SLC5A9: variants seen among roughly 807,000 people sequenced by gnomAD.
SLC5A9 encodes sodium/glucose cotransporter 4.
A neutral mutation model predicts 70.9 loss-of-function variants in SLC5A9; 59 were observed. The observed-to-expected ratio is 0.83, with a 90% CI of 0.68 to 1.03. SLC5A9 has a LOEUF of 1.03. SLC5A9 is among the 50% of genes least tolerant of loss of function. The probability of loss-of-function intolerance (pLI) is 0.00; values close to 1 mark genes in which losing one functional copy is unlikely to be tolerated. For synonymous variants in SLC5A9, 340 were observed against 346.5 expected (o/e 0.98, Z 0.21); for missense variants, 832 against 881.1 (o/e 0.94, Z 0.71).
Position 48,232,169 on chromosome 1 carries a change from C to A in SLC5A9, c.897+18C>A. ...CAGACCAGGTAATCCCCCAGCCAGG[C>A]TTAGCCCAGCCTGCCAGGAAGTGGG... is the stretch of plus-strand genomic sequence containing the variant. On this transcript the variant is annotated intron_variant, in intron 7 of 13. Coordinates refer to ENST00000438567, the MANE Select transcript of SLC5A9 (RefSeq NM_001011547.3). 1 of 1,597,916 alleles carries A rather than the reference C, an allele frequency of 6.3e-7. No homozygotes were observed.
At chr1:48,231,880 G>T (rs1273543053) in intron 6 of SLC5A9, 66 bp from the exon 7 acceptor site, 10 of 1,601,890 alleles carry the variant, frequency 6.2e-6, no homozygotes, top group South Asian at 5.6e-5. Flanking sequence ...TGAGGCTGGG[G>T]CTGGGCTTGC....
intron 13 of SLC5A9, among the ~76,000 whole-genome samples, chr1:48,246,513 C>G (rs1644461671): frequency 6.6e-6 from 1 of 152,118 alleles, no homozygotes; most frequent in Non-Finnish European, 1.5e-5. Context: ...AATATAATGT[C>G]TGCTGATTTT....
chr1:48,239,121 C>A lies in SLC5A9; in HGVS notation c.1462-201C>A, dbSNP rs79067061. Among the ~76,000 whole-genome samples the A allele has an allele frequency of 0.015, 2,269 of 152,324 alleles. 58 individuals are homozygous for A. Among genetic ancestry groups the A allele is most frequent in the African/African-American group, 0.051 (2,099 of 41,556 alleles). ...AGGATTCAAATCTTAGTCTACCTGA[C>A]TCTAGAGCCCCTATTCCACTGTGCC... On this transcript the variant is annotated intron_variant, in intron 11 of 13. Coordinates refer to ENST00000438567, the MANE Select transcript of SLC5A9 (RefSeq NM_001011547.3). This position sits in a 1 kb window ranked among gnomAD's most constrained non-coding sequence, Gnocchi z 4.2.
intron 8 of SLC5A9, 89 bp from the exon 9 acceptor site, chr1:48,233,566 C>T: frequency 1.0e-6 from 1 of 964,206 alleles, no homozygotes. Flanking sequence ...CTCCAGTGAA[C>T]ATTATCCTGT....
At chr1:48,244,847 AAAACC>A (rs1208653809) in intron 13 of SLC5A9, among the ~76,000 whole-genome samples, 6 of 15,046 alleles carry the variant, frequency 4.0e-4, no homozygotes, top group East Asian at 4.5e-3. Flanking sequence ...TTATATATAT[AAAACC>A]TGTGTGTGTG....
In SLC5A9 at chr1:48,229,276, C is replaced by T; in HGVS notation, c.340-19C>T. 6.2e-7 allele frequency: 1 copy of T among 1,614,102 alleles called. No homozygotes were observed. The highest frequency in any genetic ancestry group is 8.5e-7 in the Non-Finnish European group (1 of 1,179,978). ...ACATCCAGGACCTGGATACCTTCTT[C>T]TTCTCCCCACTCTCCCAGGCAACCT... is the stretch of plus-strand genomic sequence containing the variant. On this transcript the variant is annotated intron_variant, in intron 3 of 13. Transcript: ENST00000438567.
Position 48,235,739 on chromosome 1 carries a change from G to A in SLC5A9, c.1152G>A (p.Gly384=). The stretch of plus-strand genomic sequence containing the variant: ...CTCGTCTCTCCCCAGGTCTGCGGGG[G>A]CTGATGATTGCCGTGATCATGGCCG... ...VMALMPVGLR[G]LMIAVIMAAL... is the part of the protein sequence containing the mutation. Residue 384 remains glycine, a synonymous_variant, in exon 10 of 14, where the codon GGG becomes GGA. Transcript: ENST00000438567. 3 of 1,614,170 alleles carry A rather than the reference G, an allele frequency of 1.9e-6. No homozygotes were observed. Among genetic ancestry groups the A allele is most frequent in the Non-Finnish European group, 2.5e-6 (3 of 1,180,036 alleles).
At chr1:48,230,848 C>A (rs986441216) in intron 5 of SLC5A9, 143 bp downstream of exon 5, 9 of 641,748 alleles carry the variant, frequency 1.4e-5, no homozygotes, top group African/African-American at 1.3e-4. Context: ...GAGGCAGAGA[C>A]AAAGAGAGGC....
Position 48,222,823 on chromosome 1 carries a change from C to T in SLC5A9, c.87C>T (p.Ser29=). Residue 29 remains serine (S), a synonymous_variant, in exon 1 of 14, where the codon TCC becomes TCT. Coordinates refer to ENST00000438567, the MANE Select transcript of SLC5A9 (RefSeq NM_001011547.3). ...CAGCTCCACACATAGCACTGGACTC[C>T]AGAGTTGGTCTGCACGCCTACGACA... ...TETAPHIALD[S]RVGLHAYDIS... The T allele has an allele frequency of 3.1e-6, 5 of 1,613,432 alleles. No individual in the cohort carries two copies. Among genetic ancestry groups the T allele is most frequent in the Non-Finnish European group, 4.2e-6 (5 of 1,179,436 alleles).
At chr1:48,228,471 CCCT>C (rs1644196423) in intron 2 of SLC5A9, 1 of 187,088 alleles carries the variant, frequency 5.3e-6, no homozygotes, top group Admixed American at 5.4e-5. Flanking sequence ...GCCTTTCCTT[CCCT>C]CCTGTGGGGC....
At chr1:48,247,142 G>C (rs1393046241) in intron 13 of SLC5A9, among the ~76,000 whole-genome samples, 193 bp from the exon 14 acceptor site, 1 of 152,164 alleles carries the variant, frequency 6.6e-6, no homozygotes, top group African/African-American at 2.4e-5. Context: ...TACCAGCTCA[G>C]CACCCAGTCT....
Position 48,247,528 on chromosome 1 carries a change from G to T in SLC5A9, c.2031G>T (p.Trp677Cys), listed in dbSNP as rs1356914497. ...VLLLAINIFL[W>C]GYFA ...TGCTGGCCATCAACATCTTCCTCTG[G>T]GGCTATTTTGCGTGATTCCACAGAC... Residue 677 changes from tryptophan (W) to cysteine (C), a missense_variant, in exon 14 of 14, where the codon TGG becomes TGT. Trp to Cys is a radical substitution (Grantham distance 215). Transcript: ENST00000438567. 1 of 1,614,116 alleles carries T rather than the reference G, an allele frequency of 6.2e-7. No homozygotes were observed. Among genetic ancestry groups the T allele is most frequent in the Non-Finnish European group, 8.5e-7 (1 of 1,180,014 alleles).
rs760112382 is a variant in SLC5A9 at position 48,247,406 on chromosome 1, C to T, written c.1909C>T (p.Leu637=). Residue 637 remains leucine, a synonymous_variant, in exon 14 of 14, where the codon CTG becomes TTG. Transcript: ENST00000438567. ...GCTCTCTGGAACACCGGAGCAGGCC[C>T]TGAGCCCAGCAGAGAAGGCTGCGCT... ...CGLSGTPEQA[L]SPAEKAALEQ... 11 of 1,614,012 alleles carry T rather than the reference C, an allele frequency of 6.8e-6. No homozygotes were observed. The highest frequency in any genetic ancestry group is 9.3e-6 in the Non-Finnish European group (11 of 1,180,032).
At chr1:48,222,930 G>T (rs1437318404) in intron 1 of SLC5A9, 32 bp downstream of exon 1, 1 of 1,610,992 alleles carries the variant, frequency 6.2e-7, no homozygotes, top group South Asian at 1.1e-5. Context: ...GGCTAGCAGG[G>T]GAGGTAGTAG....
In SLC5A9 at chr1:48,228,898, G is replaced by A. The variant is rs182981612; in HGVS notation, c.283G>A (p.Gly95Ser). The A allele has an allele frequency of 2.6e-4, 421 of 1,613,712 alleles. No individual in the cohort carries two copies. The Admixed American group carries it at 3.5e-3, about 13-fold the overall frequency. Residue 95 changes from glycine (G) to serine (S), a missense_variant, in exon 3 of 14, where the codon GGC (glycine) becomes AGC (serine). Transcript: ENST00000438567. ...SSNVGSGLFI[G>S]LAGTGAAGGL... ...CAATGTGGGCAGTGGCTTGTTCATCGGCCTGGCTGGGACAGGGGCTGCCGG... is the reference window on the plus strand; with the variant it reads ...CAATGTGGGCAGTGGCTTGTTCATCAGCCTGGCTGGGACAGGGGCTGCCGG...
intron 10 of SLC5A9, among the ~76,000 whole-genome samples, chr1:48,236,215 C>A (rs1644325042): frequency 6.6e-6 from 1 of 152,156 alleles, no homozygotes; most frequent in Admixed American, 6.5e-5. Flanking sequence ...GTATTCCCAA[C>A]CAACTCCGGA....
rs1186880053 is a variant in SLC5A9 at position 48,239,467 on chromosome 1, T to A, written c.1607T>A (p.Leu536His). ...TTCCACTACCTGTACTTTGCAATCC[T>A]CCTCTGCGGGCTCACTGCCATCGTC... is the stretch of plus-strand genomic sequence containing the variant. Reference protein sequence around the residue: ...KDFHYLYFAILLCGLTAIVIV... With the variant: ...KDFHYLYFAIHLCGLTAIVIV... The change falls in exon 12 of 14, where the codon CTC becomes CAC. Residue 536 changes from leucine (L) to histidine (H), a missense_variant. Leu to His is a moderately conservative substitution (Grantham distance 99, BLOSUM62 -3). Coordinates refer to ENST00000438567, the MANE Select transcript of SLC5A9 (RefSeq NM_001011547.3). The surrounding 1 kb of genome is among the most constrained non-coding windows in gnomAD (Gnocchi z 4.2). 5 of 1,614,062 alleles carry A rather than the reference T, an allele frequency of 3.1e-6. No homozygotes were observed. The highest frequency in any genetic ancestry group is 4.2e-6 in the Non-Finnish European group (5 of 1,180,042).
In SLC5A9 at chr1:48,229,172, T is replaced by C. The variant is rs1046028615; in HGVS notation, c.340-123T>C. The C allele has an allele frequency of 1.2e-6, 2 of 1,613,910 alleles. No individual in the cohort carries two copies. The highest frequency in any genetic ancestry group is 1.7e-6 in the Non-Finnish European group (2 of 1,179,926). Reference sequence around the variant, plus strand: ...GTCACACGGGAGGACTGGGGTCAGGTCCCAGGTCTCTTATTTCTCTGTTCG... The same window carrying C: ...GTCACACGGGAGGACTGGGGTCAGGCCCCAGGTCTCTTATTTCTCTGTTCG... On this transcript the variant is annotated intron_variant, in intron 3 of 13. Transcript: ENST00000438567.
intron 4 of SLC5A9, among the ~76,000 whole-genome samples, chr1:48,230,168 C>T (rs1184092242): frequency 6.6e-6 from 1 of 152,242 alleles, no homozygotes; most frequent in Non-Finnish European, 1.5e-5. Context: ...AGGGCTCCTG[C>T]CGCATTGGGT....
Sources: allele counts gnomAD v4.1 joint callset (sites outside exome capture counted in the v4.1 genomes callset), GRCh38; gene constraint gnomAD v4.1.1; non-coding constraint Gnocchi (gnomAD v3.1); transcripts MANE v1.5; gene names NCBI Gene and HGNC (gene_info 2026-07-23, HGNC 2026-07-21).